Variants in RIMS1 observed in about 807,000 individuals in gnomAD.
RIMS1 encodes regulating synaptic membrane exocytosis protein 1.
A neutral mutation model predicts 214.1 loss-of-function variants in RIMS1; 83 were observed. The observed-to-expected ratio is 0.39, with a 90% CI of 0.32 to 0.47. The LOEUF (loss-of-function observed/expected upper bound fraction) is 0.47. Ranked by LOEUF, RIMS1 falls within the 20% of genes least tolerant of loss-of-function variation. The pLI, the probability that RIMS1 is intolerant of heterozygous loss-of-function variation, is 0.99. For missense variants in RIMS1, 2,050 were observed against 2,161.8 expected (o/e 0.95, Z 1.03); for synonymous variants, 793 against 786.8 (o/e 1.01, Z -0.13).
At chr6:72,268,642 G>A (rs1473376658) in intron 22 of RIMS1, among the ~76,000 whole-genome samples, 1 of 152,140 alleles carries the variant, frequency 6.6e-6, no homozygotes, top group Non-Finnish European at 1.5e-5. Flanking sequence ...AAAACCATCA[G>A]ATACACCTAT....
At chr6:72,080,496 T>C (rs928208745) in intron 2 of RIMS1, among the ~76,000 whole-genome samples, 2 of 152,164 alleles carry the variant, frequency 1.3e-5, no homozygotes, top group African/African-American at 4.8e-5. Context: ...ATTACAAACA[T>C]AGGAGCCAGA....
At chr6:72,380,045 A>G (rs1051043195) in intron 29 of RIMS1, among the ~76,000 whole-genome samples, 9 of 152,234 alleles carry the variant, frequency 5.9e-5, no homozygotes, top group Non-Finnish European at 1.2e-4. Context: ...TGGCACATAT[A>G]CACCATGGAA....
chr6:72,323,822 G>A (rs1373553717), intron 28 of RIMS1, among the ~76,000 whole-genome samples: 1 of 151,578 alleles, frequency 6.6e-6, no homozygotes, highest in Non-Finnish European at 1.5e-5. Flanking sequence ...AGAATCTCAG[G>A]GGAAAAAAGA....
intron 1 of RIMS1, among the ~76,000 whole-genome samples, chr6:71,954,049 T>C (rs761178): frequency 0.079 from 12,025 of 152,046 alleles, 575 homozygotes; most frequent in Middle Eastern, 0.11. Flanking sequence ...CTTTCATGAC[T>C]TTTTTTTGCC....
intron 6 of RIMS1, among the ~76,000 whole-genome samples, chr6:72,185,000 AT>A (rs1308255748): frequency 1.3e-5 from 2 of 152,226 alleles, no homozygotes; most frequent in African/African-American, 4.8e-5. Context: ...GACTAGATAC[AT>A]GGATGTTTTG....
At chr6:71,914,728 T>C (rs964062995) in intron 1 of RIMS1, among the ~76,000 whole-genome samples, 7 of 152,184 alleles carry the variant, frequency 4.6e-5, no homozygotes, top group African/African-American at 1.7e-4. Flanking sequence ...CTTTGAGATC[T>C]ATCTGAGGCA....
chr6:72,136,428 G>C (rs1227156634), intron 4 of RIMS1, among the ~76,000 whole-genome samples: 1 of 151,522 alleles, frequency 6.6e-6, no homozygotes, highest in Admixed American at 6.6e-5. Flanking sequence ...AAAATGAAAA[G>C]GTTTACTTAC....
At chr6:72,298,599 T>C (rs960119057) in intron 26 of RIMS1, among the ~76,000 whole-genome samples, 6 of 152,032 alleles carry the variant, frequency 3.9e-5, no homozygotes, top group Admixed American at 1.3e-4. Flanking sequence ...ACCCCTGTTT[T>C]ATTGAAATAG....
chr6:71,941,129 G>A (rs1477587160), intron 1 of RIMS1, among the ~76,000 whole-genome samples: 1 of 151,578 alleles, frequency 6.6e-6, no homozygotes, highest in Admixed American at 6.6e-5. Context: ...TTTCACCCGG[G>A]CATATTTAGT....
At chr6:72,193,781 T>A (rs1186903170) in intron 6 of RIMS1, among the ~76,000 whole-genome samples, 1 of 152,158 alleles carries the variant, frequency 6.6e-6, no homozygotes, top group Admixed American at 6.6e-5. Flanking sequence ...CATATCTTTA[T>A]TTTGCCTGTG....
chr6:71,995,370 A>G (rs532889886), intron 2 of RIMS1, among the ~76,000 whole-genome samples: 2 of 151,890 alleles, frequency 1.3e-5, no homozygotes, highest in African/African-American at 2.4e-5. Flanking sequence ...GTAAATCACT[A>G]TCCCCTTTTA....
Position 72,265,449 on chromosome 6 carries a change from A to C in RIMS1, c.3254A>C (p.His1085Pro), listed in dbSNP as rs1389139062. 1.2e-6 allele frequency: 2 copies of C among 1,610,636 alleles called. No individual in the cohort carries two copies. The highest frequency in any genetic ancestry group is 1.1e-5 in the South Asian group (1 of 90,826). Residue 1085 changes from histidine (H) to proline (P), a missense_variant, in exon 21 of 34, where the codon CAT becomes CCT. This residue lies in a region of RIMS1 where 889 missense variants were observed against 885.5 expected (regional missense o/e 1.00). Transcript: ENST00000521978. ...KSVTRQDISL[H>P]HECFNSTVLR... is the part of the protein sequence containing the mutation. ...GTGACTAGACAGGACATTTCCCTTCATCATGAATGCTTTAACTCAACAGTA... is the reference window on the plus strand; with the variant it reads ...GTGACTAGACAGGACATTTCCCTTCCTCATGAATGCTTTAACTCAACAGTA...
chr6:72,328,647 A>AT lies in RIMS1; in HGVS notation c.4131-4944dup, dbSNP rs1181798406. On this transcript the variant is annotated intron_variant, in intron 28 of 33. Transcript: ENST00000521978. ...AATGTTTTTGTCACCAATTAAAAAT[A>AT]TTTTTTTTTAGCAAACAGAACTAGC... Among the ~76,000 whole-genome samples, 7 of 151,018 alleles carry AT rather than the reference A, an allele frequency of 4.6e-5. No individual in the cohort carries two copies. In the East Asian group the frequency reaches 5.8e-4, roughly 13 times the overall value.
intron 4 of RIMS1, among the ~76,000 whole-genome samples, chr6:72,109,447 G>A (rs1264785986): frequency 1.1e-4 from 16 of 152,010 alleles, no homozygotes; most frequent in African/African-American, 3.9e-4. Context: ...TTCTCTGATG[G>A]CCAGTGATGG....
At chr6:72,257,353 A>G (rs1209653401) in intron 16 of RIMS1, among the ~76,000 whole-genome samples, 1 of 152,050 alleles carries the variant, frequency 6.6e-6, no homozygotes, top group African/African-American at 2.4e-5. Flanking sequence ...AAACCTTTTT[A>G]CTTCAGGGAA....
At chr6:72,276,623 G>A (rs969761455) in intron 23 of RIMS1, among the ~76,000 whole-genome samples, 4 of 151,840 alleles carry the variant, frequency 2.6e-5, no homozygotes, top group Non-Finnish European at 4.4e-5. Context: ...TTATAGATAA[G>A]TCCTATGTTC....
At chr6:71,998,245 T>C (rs1804079034) in intron 2 of RIMS1, among the ~76,000 whole-genome samples, 1 of 152,180 alleles carries the variant, frequency 6.6e-6, no homozygotes, top group Admixed American at 6.6e-5. Flanking sequence ...TCAGCCTCAG[T>C]GGTCGACTCA....
chr6:72,018,741 G>C (rs1014639164), intron 2 of RIMS1, among the ~76,000 whole-genome samples: 2 of 152,136 alleles, frequency 1.3e-5, no homozygotes, highest in African/African-American at 2.4e-5. Context: ...AGTGAAGAGT[G>C]TCTCAAGGAA....
At chr6:72,020,110 C>G (rs1000627277) in intron 2 of RIMS1, among the ~76,000 whole-genome samples, 1 of 152,172 alleles carries the variant, frequency 6.6e-6, no homozygotes, top group Non-Finnish European at 1.5e-5. Context: ...ACAGTAATTA[C>G]ACTTATTTGG....
Sources: allele counts gnomAD v4.1 joint callset (sites outside exome capture counted in the v4.1 genomes callset), GRCh38; gene constraint gnomAD v4.1.1; regional missense constraint gnomAD v4.1.1; transcripts MANE v1.5; gene names NCBI Gene and HGNC (gene_info 2026-07-23, HGNC 2026-07-21).